The following SHANK2 variants were observed in gnomAD, a reference collection of about 807,000 sequenced individuals.
SHANK2 encodes SH3 and multiple ankyrin repeat domains 2, also known as SH3 and multiple ankyrin repeat domains protein 2.
In SHANK2, 43 loss-of-function variants were observed where a neutral mutation model predicts 133.7. That is an observed-to-expected ratio of 0.32 (90% CI 0.25 to 0.41). The LOEUF (loss-of-function observed/expected upper bound fraction) is 0.41. Ranked by LOEUF, SHANK2 falls within the 10% of genes least tolerant of loss-of-function variation. SHANK2 has a pLI of 1.00. For missense variants in SHANK2, 1,994 were observed against 2,235.8 expected (o/e 0.89, Z 2.18); for synonymous variants, 1,017 against 952.8 (o/e 1.07, Z -1.24).
At chr11:70,949,238 C>A (rs1014444371) in intron 10 of SHANK2, among the ~76,000 whole-genome samples, 3 of 152,236 alleles carry the variant, frequency 2.0e-5, no homozygotes, top group Non-Finnish European at 2.9e-5. Flanking sequence ...TCTGCAAGAG[C>A]CTCAGTACCG....
chr11:70,575,105 T>A (rs1554983953), intron 17 of SHANK2, among the ~76,000 whole-genome samples: 1 of 152,080 alleles, frequency 6.6e-6, no homozygotes, highest in African/African-American at 2.4e-5. Context: ...CCCTCCTTGC[T>A]CCCTGCTCTG....
intron 2 of SHANK2, among the ~76,000 whole-genome samples, chr11:71,201,206 C>T (rs1323846066): frequency 6.6e-6 from 1 of 152,242 alleles, no homozygotes; most frequent in Non-Finnish European, 1.5e-5. Flanking sequence ...TTCTCCACAG[C>T]AACCACGTGC....
At chr11:70,742,398 C>T (rs1403947948) in intron 14 of SHANK2, among the ~76,000 whole-genome samples, 1 of 152,190 alleles carries the variant, frequency 6.6e-6, no homozygotes, top group Non-Finnish European at 1.5e-5. Flanking sequence ...GGCCACTGCA[C>T]AAAGTAGAAG....
intron 11 of SHANK2, among the ~76,000 whole-genome samples, chr11:70,872,700 T>G (rs1441248450): frequency 2.6e-5 from 4 of 152,058 alleles, no homozygotes. Context: ...CTGGTGTATC[T>G]CCTCCACGTT....
intron 14 of SHANK2, among the ~76,000 whole-genome samples, chr11:70,772,690 G>A (rs1289881434): frequency 2.0e-5 from 3 of 152,170 alleles, no homozygotes; most frequent in Non-Finnish European, 2.9e-5. Flanking sequence ...GGAGGCTGCA[G>A]TGGGCCTGAG....
chr11:71,173,851 G>A (rs1440794164), intron 2 of SHANK2, among the ~76,000 whole-genome samples: 1 of 152,240 alleles, frequency 6.6e-6, no homozygotes, highest in Non-Finnish European at 1.5e-5. Context: ...AGAGACTGGA[G>A]TGATGTGGCC....
At chr11:70,517,447 C>CT (rs1191562711) in intron 17 of SHANK2, among the ~76,000 whole-genome samples, 2 of 152,192 alleles carry the variant, frequency 1.3e-5, no homozygotes, top group African/African-American at 4.8e-5. Flanking sequence ...AATTGCCAAA[C>CT]TTGGAAGCAA....
chr11:70,654,664 T>C (rs1299088615), intron 17 of SHANK2, among the ~76,000 whole-genome samples: 1 of 152,184 alleles, frequency 6.6e-6, no homozygotes, highest in Non-Finnish European at 1.5e-5. Context: ...TCACAACAGA[T>C]GTCCATTGCC....
chr11:70,926,419 C>A (rs578248281), intron 10 of SHANK2, among the ~76,000 whole-genome samples: 17 of 152,266 alleles, frequency 1.1e-4, no homozygotes, highest in Middle Eastern at 3.4e-3. Context: ...CAGAGCAAGA[C>A]CCTGTTTCCA....
chr11:70,909,394 C>T (rs1446069496), intron 10 of SHANK2, among the ~76,000 whole-genome samples: 1 of 152,132 alleles, frequency 6.6e-6, no homozygotes, highest in Non-Finnish European at 1.5e-5. Context: ...ACAGATGTTG[C>T]TAGGCTGGCT....
chr11:70,508,133 G>A (rs971364862), intron 17 of SHANK2, among the ~76,000 whole-genome samples: 2 of 152,240 alleles, frequency 1.3e-5, no homozygotes, highest in African/African-American at 2.4e-5. Flanking sequence ...GACAGCCTGT[G>A]CCCGGCTCTG....
intron 11 of SHANK2, chr11:70,826,578 C>T (rs1304596809): frequency 1.7e-5 from 8 of 470,270 alleles, no homozygotes; most frequent in South Asian, 3.1e-5. Flanking sequence ...GCGTGCAGCC[C>T]GGCCCCTCGG....
chr11:70,716,357 G>A (rs558996675), intron 14 of SHANK2, among the ~76,000 whole-genome samples: 2 of 152,300 alleles, frequency 1.3e-5, no homozygotes, highest in South Asian at 4.2e-4. Context: ...GGTGGGGGCG[G>A]GAGGATTCTT....
At chr11:70,582,311 C>T (rs2060194895) in intron 17 of SHANK2, among the ~76,000 whole-genome samples, 1 of 152,240 alleles carries the variant, frequency 6.6e-6, no homozygotes, top group African/African-American at 2.4e-5. Flanking sequence ...AACTCTACTA[C>T]TGCTGACTGA....
chr11:70,518,035 A>T (rs2059286860), intron 17 of SHANK2, among the ~76,000 whole-genome samples: 1 of 152,230 alleles, frequency 6.6e-6, no homozygotes, highest in Admixed American at 6.5e-5. Context: ...TCTACTAATT[A>T]AAAAGAGGCT....
At chr11:70,896,284 G>T in intron 11 of SHANK2, 1 of 460,902 alleles carries the variant, frequency 2.2e-6, no homozygotes, top group South Asian at 5.8e-5. Context: ...GCATGTTTCA[G>T]ACAGCCTAAC....
chr11:70,724,270 A>G (rs1555030007), intron 14 of SHANK2, among the ~76,000 whole-genome samples: 2 of 152,138 alleles, frequency 1.3e-5, no homozygotes, highest in Non-Finnish European at 2.9e-5. Context: ...TCCTGACCTC[A>G]AATGATCCAC....
chr11:71,246,177 T>C (rs1422258284), intron 1 of SHANK2, among the ~76,000 whole-genome samples: 2 of 151,966 alleles, frequency 1.3e-5, no homozygotes, highest in African/African-American at 4.8e-5. Flanking sequence ...CGGAAGTCTG[T>C]GTCAGCTCCA....
upstream of SHANK2, among the ~76,000 whole-genome samples, chr11:71,253,089 G>T (rs1555126159): frequency 6.6e-6 from 1 of 152,178 alleles, no homozygotes; most frequent in Admixed American, 6.5e-5. Flanking sequence ...GGCGCCTTCC[G>T]CCCAGGGGTG....
Sources: allele counts gnomAD v4.1 joint callset (sites outside exome capture counted in the v4.1 genomes callset), GRCh38; gene constraint gnomAD v4.1.1; transcripts MANE v1.5; gene names NCBI Gene and HGNC (gene_info 2026-07-23, HGNC 2026-07-21).